THADA: variants seen among roughly 807,000 people sequenced by gnomAD.
THADA encodes THADA armadillo repeat containing, also known as tRNA (32-2'-O)-methyltransferase regulator THADA.
A neutral mutation model predicts 219.8 loss-of-function variants in THADA; 213 were observed. The ratio of observed to expected loss-of-function variants is 0.97; its 90% CI spans 0.87 to 1.09. The LOEUF (loss-of-function observed/expected upper bound fraction) is 1.09, where lower values mean the gene tolerates loss of function less well. Among genes scored for constraint, THADA ranks in the 50% least tolerant of loss-of-function variants. The pLI is 0.00. For missense variants in THADA, 2,956 were observed against 2,311.3 expected (o/e 1.28, Z -5.72); for synonymous variants, 1,018 against 828.9 (o/e 1.23, Z -3.92).
At chr2:43,556,621 A>T (rs2103910792) in intron 16 of THADA, 66 bp from the exon 17 acceptor site, 3 of 1,466,534 alleles carry the variant, frequency 2.0e-6, no homozygotes, top group Non-Finnish European at 2.8e-6. Context: ...AAAATAGTAA[A>T]TTTTTTAAAA....
intron 4 of THADA, among the ~76,000 whole-genome samples, chr2:43,589,808 T>C (rs1001556127): frequency 6.6e-6 from 1 of 152,004 alleles, no homozygotes; most frequent in African/African-American, 2.4e-5. Flanking sequence ...GTACCACCTG[T>C]TGCCCAAAAA....
At chr2:43,432,781 C>T (rs963233472) in intron 26 of THADA, among the ~76,000 whole-genome samples, 1 of 152,072 alleles carries the variant, frequency 6.6e-6, no homozygotes, top group South Asian at 2.1e-4. Flanking sequence ...CGACTAATGA[C>T]GTTGAGCACT....
chr2:43,595,250 A>G (rs184392249), intron 1 of THADA, among the ~76,000 whole-genome samples: 1 of 152,356 alleles, frequency 6.6e-6, no homozygotes, highest in East Asian at 1.9e-4. Flanking sequence ...CTGTTTGGGA[A>G]GTAAGAAATC....
chr2:43,291,214 C>T (rs2104362905), intron 34 of THADA, among the ~76,000 whole-genome samples: 1 of 151,848 alleles, frequency 6.6e-6, no homozygotes, highest in African/African-American at 2.4e-5. Context: ...CTTTGGGAGG[C>T]CGAGGCGGGT....
intron 26 of THADA, among the ~76,000 whole-genome samples, chr2:43,466,670 T>C (rs1210376397): frequency 6.6e-6 from 1 of 152,182 alleles, no homozygotes; most frequent in Non-Finnish European, 1.5e-5. Flanking sequence ...ATTGTGCATT[T>C]ACTCTGTGCC....
chr2:43,433,084 GT>G (rs1206485112), intron 26 of THADA, among the ~76,000 whole-genome samples: 1 of 151,956 alleles, frequency 6.6e-6, no homozygotes, highest in African/African-American at 2.4e-5. Flanking sequence ...AAGCTTTATG[GT>G]TTTAGCTTTT....
At chr2:43,349,453 A>G (rs138290871) in intron 29 of THADA, among the ~76,000 whole-genome samples, 149 of 152,332 alleles carry the variant, frequency 9.8e-4, no homozygotes, top group Non-Finnish European at 1.9e-3. Context: ...AAAAACTTGC[A>G]CTGCACCAGT....
Position 43,560,299 on chromosome 2 carries a change from C to CA in THADA, c.2397dup (p.Glu800Ter), listed in dbSNP as rs1425700033. ...TCAAATGCTAAAATTTTCACGTCTTCAAAAGTGCTGGTAAAACATTCCATT... is the reference window on the plus strand; with the variant it reads ...TCAAATGCTAAAATTTTCACGTCTTCAAAAAGTGCTGGTAAAACATTCCATT... On this transcript the variant is annotated frameshift_variant, in exon 16 of 38. Transcript: ENST00000405975. LOFTEE classifies it high-confidence loss of function. The CA allele has an allele frequency of 6.2e-7, 1 of 1,612,478 alleles. No homozygotes were observed. The highest frequency in any genetic ancestry group is 8.5e-7 in the Non-Finnish European group (1 of 1,179,274).
chr2:43,245,409 G>C (rs1174120358), intron 36 of THADA, among the ~76,000 whole-genome samples: 1 of 152,070 alleles, frequency 6.6e-6, no homozygotes, highest in African/African-American at 2.4e-5. Flanking sequence ...CTGACCTCAG[G>C]TGATCCACCC....
intron 25 of THADA, among the ~76,000 whole-genome samples, chr2:43,489,034 T>C (rs1687270210): frequency 6.6e-6 from 1 of 152,204 alleles, no homozygotes; most frequent in African/African-American, 2.4e-5. Context: ...ATAAGAGTTC[T>C]TTATATATTC....
chr2:43,397,798 G>C (rs566922291), intron 29 of THADA, among the ~76,000 whole-genome samples, 173 bp downstream of exon 29: 13 of 151,954 alleles, frequency 8.6e-5, no homozygotes, highest in Non-Finnish European at 1.6e-4. Flanking sequence ...GTGATATTTG[G>C]GATGAAAAAA....
chr2:43,381,763 G>A (rs35953885), intron 29 of THADA, among the ~76,000 whole-genome samples: 27,406 of 151,858 alleles, frequency 0.18, 2,920 homozygotes, highest in Non-Finnish European at 0.25. Flanking sequence ...ATTTTTAGTG[G>A]AGACGGGGTT....
At chr2:43,406,049 A>G (rs1675490706) in intron 28 of THADA, among the ~76,000 whole-genome samples, 2 of 152,196 alleles carry the variant, frequency 1.3e-5, no homozygotes, top group African/African-American at 4.8e-5. Flanking sequence ...TATTAATTCC[A>G]GGCTGTGAAA....
chr2:43,499,859 G>T (rs1200968432), intron 24 of THADA, among the ~76,000 whole-genome samples: 2 of 151,936 alleles, frequency 1.3e-5, no homozygotes, highest in African/African-American at 4.8e-5. Context: ...AATGATTGTG[G>T]TAAGTGACGA....
intron 29 of THADA, among the ~76,000 whole-genome samples, chr2:43,377,270 A>G (rs886134351): frequency 6.6e-6 from 1 of 152,218 alleles, no homozygotes; most frequent in East Asian, 1.9e-4. Flanking sequence ...ATGTGCCATT[A>G]CCACAGGCCT....
chr2:43,552,192 G>A lies in THADA; in HGVS notation c.2810+12C>T, dbSNP rs1453421221. The A allele has an allele frequency of 1.2e-6, 2 of 1,602,406 alleles. No individual in the cohort carries two copies. Among genetic ancestry groups the A allele is most frequent in the Admixed American group, 3.5e-5 (2 of 57,504 alleles). ...GATTTCTGAGACAGGAGGCAGCTGT[G>A]GAAATCCTTACTTTAGAGATAACTT... On this transcript the variant is annotated intron_variant, in intron 18 of 37. Transcript: ENST00000405975.
chr2:43,403,243 G>T (rs892941376), intron 28 of THADA, among the ~76,000 whole-genome samples: 3 of 152,148 alleles, frequency 2.0e-5, no homozygotes, highest in Non-Finnish European at 2.9e-5. Context: ...TGGAAAAGCC[G>T]AATGTTTCCA....
chr2:43,576,961 C>T, intron 10 of THADA, 61 bp downstream of exon 10: 1 of 1,459,072 alleles, frequency 6.9e-7, no homozygotes, highest in Non-Finnish European at 9.4e-7. Context: ...AGCTTTTGGA[C>T]TGCATCTTCT....
rs536666958 is a variant in THADA, at chr2:43,421,097, C to A, written c.4058+7003G>T. Among the ~76,000 whole-genome samples the A allele has an allele frequency of 7.9e-5, 12 of 152,190 alleles. No homozygotes were observed. The East Asian group carries it at 2.3e-3, about 29-fold the overall frequency. On this transcript the variant is annotated intron_variant, in intron 28 of 37. Transcript: ENST00000405975. ...GTATGTATCTGTAATATACAAATAC[C>A]CCATGGAAGATAACACTGGGGGCAT...
Sources: gnomAD v4.1 joint callset for allele counts (sites outside exome capture counted in the v4.1 genomes callset) on GRCh38, gnomAD v4.1.1 for gene constraint, MANE v1.5 for transcripts, NCBI Gene and HGNC (gene_info 2026-07-23, HGNC 2026-07-21) for gene names.